Variants in ZRANB3 observed in about 807,000 individuals in gnomAD.
The protein encoded by ZRANB3 is DNA annealing helicase and endonuclease ZRANB3.
A neutral mutation model predicts 133.8 loss-of-function variants in ZRANB3; 125 were observed. The observed-to-expected ratio is 0.93, with a 90% CI of 0.81 to 1.08. The LOEUF is 1.08. Ranked by LOEUF, ZRANB3 falls within the 50% of genes least tolerant of loss-of-function variation. The pLI, the probability that ZRANB3 is intolerant of heterozygous loss-of-function variation, is 0.00. For missense variants in ZRANB3, 1,229 were observed against 1,275.5 expected (o/e 0.96, Z 0.56); for synonymous variants, 387 against 432.7 (o/e 0.89, Z 1.31).
intron 2 of ZRANB3, among the ~76,000 whole-genome samples, chr2:135,404,690 G>A (rs921866255): frequency 6.6e-6 from 1 of 152,172 alleles, no homozygotes; most frequent in African/African-American, 2.4e-5. Context: ...AATGTTAAGA[G>A]CAGCCAGAGA....
At chr2:135,299,177 T>A (rs998240180) in intron 8 of ZRANB3, among the ~76,000 whole-genome samples, 1 of 152,158 alleles carries the variant, frequency 6.6e-6, no homozygotes, top group Non-Finnish European at 1.5e-5. Context: ...CTGGGACTGC[T>A]GCATCCACTG....
intron 15 of ZRANB3, among the ~76,000 whole-genome samples, chr2:135,223,232 C>T (rs4954229): frequency 0.11 from 16,634 of 150,742 alleles, 1,168 homozygotes; most frequent in South Asian, 0.32. Flanking sequence ...GCCTGGGCAA[C>T]GGAGCGAGAC....
chr2:135,480,943 CTCA>C (rs1221554328), intron 2 of ZRANB3, among the ~76,000 whole-genome samples: 1 of 147,886 alleles, frequency 6.8e-6, no homozygotes, highest in Non-Finnish European at 1.5e-5. Context: ...AGGACATGAA[CTCA>C]TCATTTTTTA....
At chr2:135,324,620 T>C (rs1034124441) in intron 6 of ZRANB3, among the ~76,000 whole-genome samples, 1 of 152,214 alleles carries the variant, frequency 6.6e-6, no homozygotes, top group Non-Finnish European at 1.5e-5. Context: ...CTGGGTCAAA[T>C]GGTATTTCTA....
chr2:135,478,697 A>C (rs550433839), intron 2 of ZRANB3, among the ~76,000 whole-genome samples: 3 of 152,096 alleles, frequency 2.0e-5, no homozygotes, highest in Non-Finnish European at 4.4e-5. Flanking sequence ...GTTTTCCACT[A>C]TGTGAATATA....
At chr2:135,472,497 CAA>C (rs35241215) in intron 2 of ZRANB3, among the ~76,000 whole-genome samples, 4 of 61,994 alleles carry the variant, frequency 6.5e-5, no homozygotes, top group Admixed American at 3.2e-4. Context: ...GACTCGGTCT[CAA>C]AAAAAAAAAA....
At chr2:135,438,894 T>G (rs939765319) in intron 2 of ZRANB3, among the ~76,000 whole-genome samples, 9 of 152,308 alleles carry the variant, frequency 5.9e-5, no homozygotes, top group African/African-American at 2.2e-4. Context: ...ATGAGACTGA[T>G]TTTGAAAACT....
At chr2:135,338,938 T>C (rs1457243502) in intron 6 of ZRANB3, among the ~76,000 whole-genome samples, 5 of 152,174 alleles carry the variant, frequency 3.3e-5, no homozygotes, top group African/African-American at 7.2e-5. Context: ...AGAATAAATG[T>C]ATGGGCTTTT....
intron 6 of ZRANB3, among the ~76,000 whole-genome samples, chr2:135,317,522 A>G (rs1364142877): frequency 6.6e-6 from 1 of 152,228 alleles, no homozygotes; most frequent in African/African-American, 2.4e-5. Flanking sequence ...GCCTTTTGGT[A>G]TGACTGCTAC....
intron 9 of ZRANB3, among the ~76,000 whole-genome samples, chr2:135,275,113 T>C (rs1369719732): frequency 6.6e-6 from 1 of 152,218 alleles, no homozygotes; most frequent in Non-Finnish European, 1.5e-5. Flanking sequence ...ATCGTCATCA[T>C]GGCCCGTTCT....
chr2:135,392,589 A>C (rs1335389352), intron 2 of ZRANB3, among the ~76,000 whole-genome samples: 1 of 152,070 alleles, frequency 6.6e-6, no homozygotes, highest in East Asian at 1.9e-4. Context: ...GTCTGTACTA[A>C]AAGTAAAAAA....
intron 14 of ZRANB3, 31 bp downstream of exon 14, chr2:135,227,781 C>T: frequency 1.3e-6 from 2 of 1,549,548 alleles, no homozygotes; most frequent in Non-Finnish European, 1.7e-6. Flanking sequence ...ATGGTTATTA[C>T]TTGGATGCTA....
At chr2:135,301,003 T>TTCCTCTTCTTTTTGAGAAGAGGAATTCC (rs542726833) in intron 8 of ZRANB3, among the ~76,000 whole-genome samples, 2 of 152,020 alleles carry the variant, frequency 1.3e-5, no homozygotes, top group African/African-American at 2.4e-5. Flanking sequence ...TCAGTCAGAA[T>TTCCTCTTCTTTTTGAGAAGAGGAATTCC]TCCTCTTCTT....
intron 8 of ZRANB3, among the ~76,000 whole-genome samples, chr2:135,293,839 A>C (rs1260903642): frequency 6.6e-6 from 1 of 150,706 alleles, no homozygotes; most frequent in Non-Finnish European, 1.5e-5. Context: ...CCTTTTCTGC[A>C]TCTATTGAGA....
At chr2:135,224,919 C>T (rs1035739285) in intron 14 of ZRANB3, among the ~76,000 whole-genome samples, 5 of 152,150 alleles carry the variant, frequency 3.3e-5, no homozygotes, top group African/African-American at 4.8e-5. Context: ...GCAGCAACAT[C>T]GCTATGTTGA....
intron 2 of ZRANB3, among the ~76,000 whole-genome samples, chr2:135,498,339 C>A (rs1245685448): frequency 6.6e-6 from 1 of 152,040 alleles, no homozygotes; most frequent in Admixed American, 6.6e-5. Flanking sequence ...CAAATTAATA[C>A]TTTTATAATT....
intron 12 of ZRANB3, among the ~76,000 whole-genome samples, chr2:135,246,279 GT>G (rs1695798900): frequency 6.6e-6 from 1 of 151,872 alleles, no homozygotes; most frequent in African/African-American, 2.4e-5. Context: ...AACATGTCTG[GT>G]TTATAAAAGA....
chr2:135,492,378 A>C lies in ZRANB3; in HGVS notation c.161+11951T>G, dbSNP rs1468647623. On this transcript the variant is annotated intron_variant, in intron 2 of 20. Coordinates refer to ENST00000264159, the MANE Select transcript of ZRANB3 (RefSeq NM_032143.4). ...TGCTAGGAAAGCATGGACAGAATGA[A>C]ATAGTTGTTGGGATACTAATTACAG... Among the ~76,000 whole-genome samples the C allele has an allele frequency of 2.6e-5, 4 of 152,202 alleles. No individual in the cohort carries two copies. In the East Asian group the frequency reaches 7.7e-4, roughly 29 times the overall value.
chr2:135,276,194 CA>C (rs1680814068), intron 8 of ZRANB3, among the ~76,000 whole-genome samples: 1 of 144,370 alleles, frequency 6.9e-6, no homozygotes, highest in South Asian at 2.2e-4. Context: ...AGATTGAAAA[CA>C]GTAAGAAATC....
Sources: gnomAD v4.1 joint callset for allele counts (sites outside exome capture counted in the v4.1 genomes callset) on GRCh38, gnomAD v4.1.1 for gene constraint, MANE v1.5 for transcripts, NCBI Gene and HGNC (gene_info 2026-07-23, HGNC 2026-07-21) for gene names.